Variants in RNF144A observed in about 807,000 individuals in gnomAD.
RNF144A encodes E3 ubiquitin-protein ligase RNF144A.
In RNF144A, 11 loss-of-function variants were observed where a neutral mutation model predicts 38.7. The observed-to-expected ratio is 0.28, with a 90% CI of 0.18 to 0.47. The LOEUF (loss-of-function observed/expected upper bound fraction) is 0.47, where lower values mean the gene tolerates loss of function less well. RNF144A is among the 20% of genes least tolerant of loss of function. The probability of loss-of-function intolerance (pLI) is 0.99; values close to 1 mark genes in which losing one functional copy is unlikely to be tolerated. For synonymous variants in RNF144A, 149 were observed against 143.9 expected, an observed-to-expected ratio of 1.04 and a Z score of -0.25; for missense variants, 316 against 377.2, an observed-to-expected ratio of 0.84 and a Z score of 1.34.
At chr2:7,049,087 AC>A (rs1195913325), downstream of RNF144A, among the ~76,000 whole-genome samples, 2 of 152,204 alleles carry the variant, frequency 1.3e-5, no homozygotes, top group Non-Finnish European at 2.9e-5. Context: ...GAATGGCTGC[AC>A]CTGGAGGGAA....
At chr2:7,031,073 A>C (rs933655538) in intron 8 of RNF144A, among the ~76,000 whole-genome samples, 16 of 152,046 alleles carry the variant, frequency 1.1e-4, no homozygotes, top group Admixed American at 9.2e-4. Context: ...ATACAGATGA[A>C]GGTTTGCTCG....
At chr2:7,074,983 A>G in the RNF144A span, among the ~76,000 whole-genome samples, 1 of 152,164 alleles carries the variant, frequency 6.6e-6, no homozygotes, top group South Asian at 2.1e-4. Context: ...ATTATTAGTA[A>G]AAGTTTTATT....
At chr2:7,021,899 C>A (rs1055816239) in intron 6 of RNF144A, among the ~76,000 whole-genome samples, 4 of 152,224 alleles carry the variant, frequency 2.6e-5, no homozygotes, top group East Asian at 1.9e-4. Context: ...ACTTAGTTTT[C>A]TTTATCTGTG....
chr2:6,980,006 A>C (rs1412336466), intron 2 of RNF144A, among the ~76,000 whole-genome samples: 1 of 152,192 alleles, frequency 6.6e-6, no homozygotes, highest in African/African-American at 2.4e-5. Flanking sequence ...GAGAGAGCAC[A>C]TGCAAGAGAA....
At chr2:6,927,263 G>C (rs1344032415) in intron 1 of RNF144A, among the ~76,000 whole-genome samples, 1 of 152,188 alleles carries the variant, frequency 6.6e-6, no homozygotes, top group Non-Finnish European at 1.5e-5. Flanking sequence ...CCTCCTGAAA[G>C]GAATGCACAA....
chr2:6,970,438 G>T (rs147766523), intron 2 of RNF144A, among the ~76,000 whole-genome samples: 233 of 152,332 alleles, frequency 1.5e-3, no homozygotes, highest in African/African-American at 5.3e-3. Flanking sequence ...GGAACTGTAA[G>T]TCCAATAAAC....
At chr2:7,021,455 C>T (rs420013) in intron 6 of RNF144A, among the ~76,000 whole-genome samples, 1 of 151,724 alleles carries the variant, frequency 6.6e-6, no homozygotes, top group African/African-American at 2.4e-5. Context: ...TTCTAGCCCC[C>T]GACCCTCTCA....
chr2:6,958,281 A>G lies in RNF144A; in HGVS notation c.-12+17134A>G, dbSNP rs1029658434. Among the ~76,000 whole-genome samples the G allele has an allele frequency of 6.6e-6, 1 of 152,252 alleles. No homozygotes were observed. Among genetic ancestry groups the G allele is most frequent in the African/African-American group, 2.4e-5 (1 of 41,472 alleles). ...AAGCAAAGTGGAGTGATTGAAGGAC[A>G]CAGTCCAGTAACTCAGCAGCCTGCC... On this transcript the variant is annotated intron_variant, in intron 2 of 8. Transcript: ENST00000320892. The surrounding 1 kb of genome is among the most constrained non-coding windows in gnomAD (Gnocchi z 4.5).
chr2:7,056,188 A>G (rs1455841489), intron 6 of RNF144A, among the ~76,000 whole-genome samples: 1 of 152,200 alleles, frequency 6.6e-6, no homozygotes. Context: ...GGAAAGCCTC[A>G]TGGTGGCCGT....
chr2:7,038,104 G>A (rs1423897228), intron 8 of RNF144A, among the ~76,000 whole-genome samples: 5 of 152,204 alleles, frequency 3.3e-5, no homozygotes, highest in Admixed American at 2.0e-4. Context: ...CATAACTAGG[G>A]ATAAACATGT....
At chr2:7,045,796 C>T (rs927429612), downstream of RNF144A, among the ~76,000 whole-genome samples, 1 of 152,088 alleles carries the variant, frequency 6.6e-6, no homozygotes, top group African/African-American at 2.4e-5. Context: ...CAGCAGGTGG[C>T]GGGGCTCCGT....
Position 7,032,712 on chromosome 2 carries a change from G to T in RNF144A, c.747+2497G>T, listed in dbSNP as rs377468554. Among the ~76,000 whole-genome samples, 9 of 152,312 alleles carry T rather than the reference G, an allele frequency of 5.9e-5. No homozygotes were observed. In the East Asian group the frequency reaches 9.6e-4, roughly 16 times the overall value. ...ATCAGGACATCAGTGGTATGGGATCGAGGCCCACGCTAATCACCTCATGGT... is the reference window on the plus strand; with the variant it reads ...ATCAGGACATCAGTGGTATGGGATCTAGGCCCACGCTAATCACCTCATGGT... On this transcript the variant is annotated intron_variant, in intron 8 of 8. Transcript: ENST00000320892.
chr2:6,934,513 C>G (rs1665440209), intron 1 of RNF144A, among the ~76,000 whole-genome samples: 1 of 152,218 alleles, frequency 6.6e-6, no homozygotes, highest in Admixed American at 6.5e-5. Flanking sequence ...TTACCACTTC[C>G]TTATTTCTGA....
At chr2:6,974,912 A>AG (rs1668215665) in intron 2 of RNF144A, among the ~76,000 whole-genome samples, 1 of 152,242 alleles carries the variant, frequency 6.6e-6, no homozygotes, top group African/African-American at 2.4e-5. Context: ...ACCTTCTTTG[A>AG]GTAGCCAAAT....
At chr2:7,063,757 A>G (rs1558471631) in intron 6 of RNF144A, among the ~76,000 whole-genome samples, 1 of 152,210 alleles carries the variant, frequency 6.6e-6, no homozygotes, top group Admixed American at 6.5e-5. Context: ...TCTAACGTCT[A>G]ATGCTCCAGA....
At chr2:7,032,290 T>G in intron 8 of RNF144A, among the ~76,000 whole-genome samples, 2 of 149,556 alleles carry the variant, frequency 1.3e-5, no homozygotes, top group African/African-American at 4.9e-5. Context: ...GCAGCTCTGC[T>G]GGAATCCGCG....
Position 7,039,899 on chromosome 2 carries a change from G to A in RNF144A, c.*139G>A, listed in dbSNP as rs558742900. ...GCTTCACAGTGTCAGGCTGGACGCC[G>A]TGATTTCAGGGACCTATGTCACAAT... On this transcript the variant is annotated 3_prime_UTR_variant, in exon 9 of 9. Coordinates refer to ENST00000320892, the MANE Select transcript of RNF144A (RefSeq NM_014746.6). 2.6e-4 allele frequency: 371 copies of A among 1,443,426 alleles called. No individual in the cohort carries two copies. The highest frequency in any genetic ancestry group is 3.2e-4 in the Non-Finnish European group (353 of 1,098,422). 89.4% of individuals were successfully genotyped at this position (1,443,426 alleles called of 1,614,324 possible).
In RNF144A at chr2:7,039,952, G is replaced by A; in HGVS notation, c.*192G>A. 1 of 1,405,356 alleles carries A rather than the reference G, an allele frequency of 7.1e-7. No individual in the cohort carries two copies. Among genetic ancestry groups the A allele is most frequent in the Non-Finnish European group, 9.3e-7 (1 of 1,080,898 alleles). The allele number at this position is 1,405,356 out of a possible 1,614,324, so 87.1% of individuals were successfully genotyped here. A position where few individuals can be genotyped will look rare whatever the true frequency, so the allele number is the denominator to read the frequency against. On this transcript the variant is annotated 3_prime_UTR_variant, in exon 9 of 9. Coordinates refer to ENST00000320892, the MANE Select transcript of RNF144A (RefSeq NM_014746.6). Reference sequence around the variant, plus strand: ...TCGCTGAGGCCCCAGGTGTGGTGGGGAGGGGAGGCAGGTGTGGGTAGCGCA... The same window carrying A: ...TCGCTGAGGCCCCAGGTGTGGTGGGAAGGGGAGGCAGGTGTGGGTAGCGCA...
At chr2:6,996,858 G>T (rs1037469362) in intron 2 of RNF144A, 58 bp from the exon 3 acceptor site, 2 of 1,564,456 alleles carry the variant, frequency 1.3e-6, no homozygotes, top group Non-Finnish European at 1.7e-6. Flanking sequence ...ACCTTGCCAC[G>T]GAGCAGGTGG....
Sources: gnomAD v4.1 joint callset for allele counts (sites outside exome capture counted in the v4.1 genomes callset) on GRCh38, gnomAD v4.1.1 for gene constraint, Gnocchi (gnomAD v3.1) non-coding constraint, MANE v1.5 for transcripts, NCBI Gene and HGNC (gene_info 2026-07-23, HGNC 2026-07-21) for gene names.